The following TRPC7 variants were observed in gnomAD, a reference collection of about 807,000 sequenced individuals.
TRPC7 encodes the protein short transient receptor potential channel 7.
Under a neutral mutation model 90.1 loss-of-function variants are expected in TRPC7, and 42 were observed. The ratio of observed to expected loss-of-function variants is 0.47; its 90% CI spans 0.36 to 0.60. TRPC7 has a LOEUF of 0.60. TRPC7 is among the 20% of genes least tolerant of loss of function. TRPC7 has a pLI of 0.00. For missense variants in TRPC7, 955 were observed against 1,112.3 expected, an observed-to-expected ratio of 0.86 and a Z score of 2.01; for synonymous variants, 451 against 436.3, an observed-to-expected ratio of 1.03 and a Z score of -0.42.
intron 10 of TRPC7, among the ~76,000 whole-genome samples, chr5:136,219,978 C>T (rs969716814): frequency 1.3e-5 from 2 of 152,176 alleles, no homozygotes; most frequent in African/African-American, 4.8e-5. Flanking sequence ...GCTGGAGCTG[C>T]GGCAGAGGAA....
intron 3 of TRPC7, among the ~76,000 whole-genome samples, chr5:136,292,196 G>C (rs1263761398): frequency 6.6e-6 from 1 of 152,018 alleles, no homozygotes; most frequent in Non-Finnish European, 1.5e-5. Flanking sequence ...AGCAGGAAAG[G>C]TCTAAAATTG....
At chr5:136,304,008 C>T (rs1395080443) in intron 3 of TRPC7, 1 of 151,966 alleles carries the variant, frequency 6.6e-6, no homozygotes, top group Non-Finnish European at 1.5e-5. Context: ...CTGGTGCCAA[C>T]TTAGACAATA....
At chr5:136,304,238 C>G (rs1010915086) in intron 3 of TRPC7, among the ~76,000 whole-genome samples, 1 of 151,962 alleles carries the variant, frequency 6.6e-6, no homozygotes, top group Non-Finnish European at 1.5e-5. Context: ...CCTTGGGGAC[C>G]GATCATGCAC....
At chr5:136,227,422 T>C (rs562130656) in intron 8 of TRPC7, among the ~76,000 whole-genome samples, 1 of 152,276 alleles carries the variant, frequency 6.6e-6, no homozygotes, top group Admixed American at 6.5e-5. Context: ...AGCAGTGGGT[T>C]CCTCTTTCCA....
chr5:136,297,890 A>G (rs1349830063), intron 3 of TRPC7, among the ~76,000 whole-genome samples: 1 of 152,228 alleles, frequency 6.6e-6, no homozygotes, highest in Non-Finnish European at 1.5e-5. Flanking sequence ...GCATTTAGGA[A>G]TGCATCTCAT....
At chr5:136,332,411 G>A (rs939259996) in intron 2 of TRPC7, among the ~76,000 whole-genome samples, 1 of 152,118 alleles carries the variant, frequency 6.6e-6, no homozygotes, top group Non-Finnish European at 1.5e-5. Flanking sequence ...TGACTGGAGG[G>A]CTTCAAGGAG....
intron 2 of TRPC7, among the ~76,000 whole-genome samples, chr5:136,341,811 G>A (rs1036386612): frequency 6.6e-6 from 1 of 152,186 alleles, no homozygotes; most frequent in African/African-American, 2.4e-5. Flanking sequence ...ACCAGTTACA[G>A]ATCCAGCAGC....
chr5:136,308,632 G>A (rs948490027), intron 3 of TRPC7, among the ~76,000 whole-genome samples: 12 of 152,306 alleles, frequency 7.9e-5, no homozygotes, highest in African/African-American at 2.9e-4. Context: ...GCCCAGCAGA[G>A]GGCATCTGCC....
intron 5 of TRPC7, among the ~76,000 whole-genome samples, chr5:136,255,115 A>G (rs1024001674): frequency 2.6e-5 from 4 of 152,254 alleles, no homozygotes; most frequent in African/African-American, 9.6e-5. Context: ...ACTGGTGAAG[A>G]TGCCGTGAAC....
intron 3 of TRPC7, among the ~76,000 whole-genome samples, chr5:136,286,954 C>T (rs994424400): frequency 3.3e-5 from 5 of 152,192 alleles, no homozygotes; most frequent in Admixed American, 2.0e-4. Context: ...AAATCTGGCT[C>T]TTAAACTCTG....
At chr5:136,330,545 C>A (rs995401650) in intron 2 of TRPC7, among the ~76,000 whole-genome samples, 2 of 152,192 alleles carry the variant, frequency 1.3e-5, no homozygotes, top group African/African-American at 4.8e-5. Flanking sequence ...CCTGAACATG[C>A]CCTGAAGGGC....
At chr5:136,227,915 A>C (rs1177355514) in intron 8 of TRPC7, among the ~76,000 whole-genome samples, 1 of 152,210 alleles carries the variant, frequency 6.6e-6, no homozygotes, top group Non-Finnish European at 1.5e-5. Flanking sequence ...GCCCTCAATA[A>C]ATGTGATTTG....
intron 4 of TRPC7, among the ~76,000 whole-genome samples, chr5:136,269,869 T>C (rs1441299504): frequency 6.6e-6 from 1 of 152,154 alleles, no homozygotes; most frequent in African/African-American, 2.4e-5. Context: ...GTGCCTGTAA[T>C]CAGTGTTCTT....
At chr5:136,312,522 CTCATATG>C (rs1386465909) in intron 3 of TRPC7, among the ~76,000 whole-genome samples, 1 of 152,172 alleles carries the variant, frequency 6.6e-6, no homozygotes, top group Non-Finnish European at 1.5e-5. Flanking sequence ...GAAGCAAAAG[CTCATATG>C]TCCATTCTGC....
intron 3 of TRPC7, among the ~76,000 whole-genome samples, chr5:136,301,305 G>C (rs1460433987): frequency 2.1e-5 from 3 of 145,306 alleles, no homozygotes; most frequent in Non-Finnish European, 4.5e-5. Flanking sequence ...GGGATTATAA[G>C]CTTGAGCCAC....
At chr5:136,295,347 GA>G (rs1758129981) in intron 3 of TRPC7, among the ~76,000 whole-genome samples, 2 of 152,144 alleles carry the variant, frequency 1.3e-5, no homozygotes, top group African/African-American at 4.8e-5. Context: ...TAATCTGGGG[GA>G]AAATGTATAA....
intron 2 of TRPC7, among the ~76,000 whole-genome samples, chr5:136,338,168 A>G (rs931374511): frequency 6.6e-6 from 1 of 152,198 alleles, no homozygotes; most frequent in African/African-American, 2.4e-5. Flanking sequence ...ACAGGACGTT[A>G]TTGTAAATTT....
intron 7 of TRPC7, among the ~76,000 whole-genome samples, chr5:136,236,054 C>A (rs1755968997): frequency 6.6e-6 from 1 of 152,168 alleles, no homozygotes; most frequent in Admixed American, 6.5e-5. Flanking sequence ...AAATGGGCAA[C>A]CTATGTGAAA....
intron 1 of TRPC7, among the ~76,000 whole-genome samples, chr5:136,362,419 A>G (rs1216809496): frequency 6.6e-6 from 1 of 152,210 alleles, no homozygotes; most frequent in East Asian, 1.9e-4. Context: ...ATGGCAATGT[A>G]ATGATGAATG....
Sources: gnomAD v4.1 joint callset for allele counts (sites outside exome capture counted in the v4.1 genomes callset) on GRCh38, gnomAD v4.1.1 for gene constraint, MANE v1.5 for transcripts, NCBI Gene and HGNC (gene_info 2026-07-23, HGNC 2026-07-21) for gene names.